The following TBC1D1 variants were observed in gnomAD, a reference collection of about 807,000 sequenced individuals.
TBC1D1 encodes TBC1 domain family member 1.
Under a neutral mutation model 125.6 loss-of-function variants are expected in TBC1D1, and 89 were observed. The ratio of observed to expected loss-of-function variants is 0.71; its 90% CI spans 0.60 to 0.85. TBC1D1 has a LOEUF of 0.85. Among genes scored for constraint, TBC1D1 ranks in the 40% least tolerant of loss-of-function variants. The pLI is 0.00. For synonymous variants in TBC1D1, 565 were observed against 564.1 expected (o/e 1.00, Z -0.02); for missense variants, 1,377 against 1,469.2 (o/e 0.94, Z 1.03).
intron 1 of TBC1D1, among the ~76,000 whole-genome samples, chr4:37,896,125 G>T (rs1220119718): frequency 6.6e-6 from 1 of 152,168 alleles, no homozygotes; most frequent in Non-Finnish European, 1.5e-5. Context: ...CCATTCTGGG[G>T]TCCCCAACAG....
chr4:38,090,523 C>T lies in TBC1D1; in HGVS notation c.2236+406C>T, dbSNP rs934034530. ...TTTTCTTGTGTAAGTCATTAACATA[C>T]GTAACTTCACTCTGTGTGCTTTTTC... On this transcript the variant is annotated intron_variant, in intron 13 of 19. Transcript: ENST00000261439. 6.6e-5 allele frequency among the ~76,000 whole-genome samples: 10 copies of T among 152,036 alleles called. No individual in the cohort carries two copies. In the East Asian group the frequency reaches 1.2e-3, roughly 18 times the overall value.
In TBC1D1 at chr4:38,035,608, G is replaced by A. The variant is rs1357522674; in HGVS notation, c.1323G>A (p.Glu441=). 6.2e-7 allele frequency: 1 copy of A among 1,613,554 alleles called. No homozygotes were observed. Among genetic ancestry groups the A allele is most frequent in the Non-Finnish European group, 8.5e-7 (1 of 1,179,784 alleles). ...TAAAGAAATTGAGACCGAGAAATGA[G>A]CAGCGAGAGAATGAATTGATTATTT... The change falls in exon 8 of 20, where the codon GAG becomes GAA. Residue 441 remains glutamate (E), a synonymous_variant. Coordinates refer to ENST00000261439, the MANE Select transcript of TBC1D1 (RefSeq NM_015173.4).
At chr4:37,984,255 T>G (rs944632642) in intron 2 of TBC1D1, among the ~76,000 whole-genome samples, 1 of 152,204 alleles carries the variant, frequency 6.6e-6, no homozygotes, top group Non-Finnish European at 1.5e-5. Flanking sequence ...GGATATGAGT[T>G]TTCAGCTCCT....
chr4:38,042,328 C>T (rs546707270), intron 8 of TBC1D1, among the ~76,000 whole-genome samples: 4 of 152,164 alleles, frequency 2.6e-5, no homozygotes, highest in Admixed American at 2.6e-4. Flanking sequence ...GATGTCAGCT[C>T]ACTGCAATCT....
intron 2 of TBC1D1, among the ~76,000 whole-genome samples, chr4:37,928,260 T>A (rs1162155132): frequency 6.6e-6 from 1 of 152,222 alleles, no homozygotes; most frequent in African/African-American, 2.4e-5. Flanking sequence ...CAGATACAAT[T>A]TAAGGATGCA....
chr4:38,084,725 CTT>C (rs71658753), intron 12 of TBC1D1, among the ~76,000 whole-genome samples: 1 of 143,932 alleles, frequency 6.9e-6, no homozygotes, highest in African/African-American at 2.5e-5. Flanking sequence ...TTTTTAACTT[CTT>C]TTTTTTTTTT....
chr4:37,896,815 G>A (rs1192377800), intron 1 of TBC1D1, among the ~76,000 whole-genome samples: 3 of 151,686 alleles, frequency 2.0e-5, no homozygotes, highest in Admixed American at 2.0e-4. Context: ...AAAGGAGCTT[G>A]TTAGCTTTAA....
intron 2 of TBC1D1, among the ~76,000 whole-genome samples, chr4:37,961,420 A>G (rs1730036635): frequency 6.6e-6 from 1 of 152,262 alleles, no homozygotes; most frequent in Non-Finnish European, 1.5e-5. Context: ...AAAAAAAAAT[A>G]GGGAACATAT....
At chr4:38,067,988 T>C (rs1264199697) in intron 12 of TBC1D1, among the ~76,000 whole-genome samples, 1 of 152,186 alleles carries the variant, frequency 6.6e-6, no homozygotes, top group Non-Finnish European at 1.5e-5. Context: ...TGAGGGATTG[T>C]TCTCGCCTGA....
intron 2 of TBC1D1, among the ~76,000 whole-genome samples, chr4:37,936,523 T>C (rs201383521): frequency 2.6e-5 from 4 of 152,282 alleles, no homozygotes; most frequent in South Asian, 2.1e-4. Flanking sequence ...CTAGGGGCTA[T>C]TGGATGGAAT....
intron 2 of TBC1D1, among the ~76,000 whole-genome samples, chr4:37,963,865 CT>C (rs1730540199): frequency 6.6e-6 from 1 of 152,210 alleles, no homozygotes; most frequent in Admixed American, 6.5e-5. Flanking sequence ...TATCCCTGCT[CT>C]TTTTCCCCCC....
rs527603348 is a variant in TBC1D1, at chr4:37,977,854, G to A, written c.418-36655G>A. Among the ~76,000 whole-genome samples, 144 of 152,188 alleles carry A rather than the reference G, an allele frequency of 9.5e-4. 1 individual carries two copies. The highest frequency in any genetic ancestry group is 3.4e-3 in the Middle Eastern group (1 of 290). ...TCCCCGCGCCGCGGAGCTGCCGCTC[G>A]GTGCCTCCCCGGCGCGGGACCTCGC... On this transcript the variant is annotated intron_variant, in intron 2 of 19. Transcript: ENST00000261439. This position sits in a 1 kb window ranked among gnomAD's most constrained non-coding sequence, Gnocchi z 4.3.
intron 2 of TBC1D1, among the ~76,000 whole-genome samples, chr4:37,960,102 C>T (rs1042708027): frequency 2.0e-5 from 3 of 152,228 alleles, no homozygotes; most frequent in Non-Finnish European, 2.9e-5. Flanking sequence ...ATTGGTTGCT[C>T]TGCCCTTTAC....
At chr4:38,004,949 C>T (rs1739811344) in intron 2 of TBC1D1, among the ~76,000 whole-genome samples, 2 of 152,204 alleles carry the variant, frequency 1.3e-5, no homozygotes. Flanking sequence ...GGCAAAATGC[C>T]TCAGCAGCAA....
intron 2 of TBC1D1, among the ~76,000 whole-genome samples, chr4:37,967,804 G>A (rs895942854): frequency 6.6e-6 from 1 of 152,182 alleles, no homozygotes; most frequent in African/African-American, 2.4e-5. Flanking sequence ...ATAGCAAAAT[G>A]TCTGAGTTTA....
chr4:38,024,772 T>C (rs932770886), intron 6 of TBC1D1, among the ~76,000 whole-genome samples: 1 of 152,240 alleles, frequency 6.6e-6, no homozygotes, highest in African/African-American at 2.4e-5. Context: ...TATGTTGGTG[T>C]AAAAGTAGTT....
At chr4:37,970,253 G>C (rs1401875889) in intron 2 of TBC1D1, among the ~76,000 whole-genome samples, 1 of 152,124 alleles carries the variant, frequency 6.6e-6, no homozygotes, top group East Asian at 1.9e-4. Flanking sequence ...TTATGCAGAG[G>C]GATTTTTAGT....
intron 2 of TBC1D1, chr4:37,961,025 G>T (rs781452627): frequency 1.2e-6 from 2 of 1,613,696 alleles, no homozygotes; most frequent in South Asian, 1.1e-5. Flanking sequence ...CCAGCTGTTT[G>T]CTATGACATA....
At chr4:38,079,327 C>T (rs538075016) in intron 12 of TBC1D1, among the ~76,000 whole-genome samples, 10 of 148,010 alleles carry the variant, frequency 6.8e-5, no homozygotes, top group Non-Finnish European at 1.1e-4. Flanking sequence ...TAGCAGGGAG[C>T]GGCCCCTTAA....
Sources: gnomAD v4.1 joint callset for allele counts (sites outside exome capture counted in the v4.1 genomes callset) on GRCh38, gnomAD v4.1.1 for gene constraint, Gnocchi (gnomAD v3.1) non-coding constraint, MANE v1.5 for transcripts, NCBI Gene and HGNC (gene_info 2026-07-23, HGNC 2026-07-21) for gene names.